Variants in CACNA1C observed in about 807,000 individuals in gnomAD.
CACNA1C encodes the protein voltage-dependent L-type calcium channel subunit alpha-1C.
Under a neutral mutation model 229.0 loss-of-function variants are expected in CACNA1C, and 30 were observed. The ratio of observed to expected loss-of-function variants is 0.13; its 90% CI spans 0.10 to 0.18. The LOEUF (loss-of-function observed/expected upper bound fraction) is 0.18. Among genes scored for constraint, CACNA1C ranks in the 10% least tolerant of loss-of-function variants. CACNA1C has a pLI of 1.00. For synonymous variants in CACNA1C, 1,114 were observed against 1,132.5 expected (o/e 0.98, Z 0.33); for missense variants, 1,658 against 2,845.0 (o/e 0.58, Z 9.49).
intron 29 of CACNA1C, among the ~76,000 whole-genome samples, chr12:2,615,624 GA>G (rs1243150965): frequency 6.6e-6 from 1 of 152,202 alleles, no homozygotes; most frequent in African/African-American, 2.4e-5. Context: ...CGGCCAACAG[GA>G]TGAGGCTGGG....
intron 3 of CACNA1C, among the ~76,000 whole-genome samples, chr12:2,128,814 C>CAA (rs2091232769): frequency 4.6e-5 from 7 of 152,170 alleles, no homozygotes; most frequent in Non-Finnish European, 7.3e-5. Flanking sequence ...AAGTGCCTTG[C>CAA]GTATAAATGC....
intron 3 of CACNA1C, among the ~76,000 whole-genome samples, chr12:2,385,874 G>T (rs898275663): frequency 6.6e-6 from 1 of 152,254 alleles, no homozygotes; most frequent in Non-Finnish European, 1.5e-5. Context: ...GGTGGGGCCA[G>T]TGGTGTCCTA....
chr12:2,433,966 G>T lies in CACNA1C; in HGVS notation c.478-15010G>T, dbSNP rs1470456047. Among the ~76,000 whole-genome samples the T allele has an allele frequency of 2.0e-5, 3 of 152,136 alleles. No homozygotes were observed. In the East Asian group the frequency reaches 5.8e-4, roughly 29 times the overall value. On this transcript the variant is annotated intron_variant, in intron 3 of 46. Coordinates refer to ENST00000399655, the MANE Select transcript of CACNA1C (RefSeq NM_000719.7). ...ATAATAGTGGTGATTTTTAAAAAAAGTTCCCTTTCCAGATTTTTATGTAAG... is the reference window on the plus strand; with the variant it reads ...ATAATAGTGGTGATTTTTAAAAAAATTTCCCTTTCCAGATTTTTATGTAAG...
chr12:2,631,778 C>T (rs901624856), intron 29 of CACNA1C, among the ~76,000 whole-genome samples: 2 of 152,220 alleles, frequency 1.3e-5, no homozygotes, highest in African/African-American at 4.8e-5. Flanking sequence ...GTCCAGTCTC[C>T]GGGGTGGCGT....
At chr12:2,244,778 C>G (rs1435519142) in intron 3 of CACNA1C, among the ~76,000 whole-genome samples, 4 of 152,212 alleles carry the variant, frequency 2.6e-5, no homozygotes, top group Admixed American at 2.6e-4. Context: ...GCTGATAAAG[C>G]ACTTGGGCTG....
At chr12:2,676,634 T>C (rs2096831807) in intron 39 of CACNA1C, 1 of 154,034 alleles carries the variant, frequency 6.5e-6, no homozygotes, top group Non-Finnish European at 1.4e-5. Context: ...AGCCCCTCCC[T>C]CCGAGCTAAG....
At chr12:2,389,198 C>A (rs1486148089) in intron 3 of CACNA1C, among the ~76,000 whole-genome samples, 1 of 152,024 alleles carries the variant, frequency 6.6e-6, no homozygotes, top group African/African-American at 2.4e-5. Context: ...GTCCCCTGTT[C>A]TTGCTGATAG....
intron 3 of CACNA1C, among the ~76,000 whole-genome samples, chr12:2,359,207 G>A (rs1221504932): frequency 6.6e-6 from 1 of 152,172 alleles, no homozygotes; most frequent in East Asian, 1.9e-4. Flanking sequence ...TCCCACATTC[G>A]ATTCTGTTTC....
At chr12:2,690,814 C>T (rs1377679018) in intron 46 of CACNA1C, 86 bp from the exon 47 acceptor site, 3 of 1,323,532 alleles carry the variant, frequency 2.3e-6, no homozygotes, top group Non-Finnish European at 3.1e-6. Context: ...TACCAGATAC[C>T]CCCTCGCTCT....
At chr12:2,014,846 A>G (rs1664992206) in intron 1 of CACNA1C, among the ~76,000 whole-genome samples, 1 of 152,214 alleles carries the variant, frequency 6.6e-6, no homozygotes, top group South Asian at 2.1e-4. Context: ...CATAGGTGTC[A>G]TGCTAAAGCC....
rs1445740890 is a variant in CACNA1C at position 2,454,184 on chromosome 12, G to A, written c.618-3383G>A. Reference sequence around the variant, plus strand: ...CCCTCCTTGTGCCTTGAGGACAAGGGCTCTTGGTTCGCTCTACTTCACTCC... The same window carrying A: ...CCCTCCTTGTGCCTTGAGGACAAGGACTCTTGGTTCGCTCTACTTCACTCC... On this transcript the variant is annotated intron_variant, in intron 4 of 46. Coordinates refer to ENST00000399655, the MANE Select transcript of CACNA1C (RefSeq NM_000719.7). Among the ~76,000 whole-genome samples, 7 of 152,228 alleles carry A rather than the reference G, an allele frequency of 4.6e-5. No homozygotes were observed. The South Asian group carries it at 1.0e-3, about 23-fold the overall frequency.
chr12:2,545,212 A>ATTTT (rs56971243), intron 9 of CACNA1C, among the ~76,000 whole-genome samples: 42 of 131,634 alleles, frequency 3.2e-4, no homozygotes, highest in Non-Finnish European at 4.5e-4. Context: ...CAAAACAATG[A>ATTTT]TTTTTTTTTT....
At position 2,036,727 on chromosome 12, in the gene CACNA1C, G is replaced by T. The variant is rs951478090; in HGVS notation, c.139+65526G>T. Among the ~76,000 whole-genome samples, 19 of 151,922 alleles carry T rather than the reference G, an allele frequency of 1.3e-4. 1 individual carries two copies. Among genetic ancestry groups the T allele is most frequent in the African/African-American group, 4.6e-4 (19 of 41,340 alleles). Reference sequence around the variant, plus strand: ...GATCTGCCCTCTTCGGCCTCCCAAAGTGCTGGGATTACAGGCATGAGCCAC... The same window carrying T: ...GATCTGCCCTCTTCGGCCTCCCAAATTGCTGGGATTACAGGCATGAGCCAC... On this transcript the variant is annotated intron_variant, in intron 1 of 46. Coordinates refer to the CACNA1C transcript ENST00000682462.
At chr12:2,616,886 A>G (rs1373625474) in intron 29 of CACNA1C, among the ~76,000 whole-genome samples, 1 of 152,196 alleles carries the variant, frequency 6.6e-6, no homozygotes, top group African/African-American at 2.4e-5. Context: ...CTTGCCCTGC[A>G]CGCTGGTCTC....
At chr12:2,107,149 G>A (rs2079294287) in intron 1 of CACNA1C, among the ~76,000 whole-genome samples, 1 of 148,064 alleles carries the variant, frequency 6.8e-6, no homozygotes, top group African/African-American at 2.5e-5. Context: ...TTCCACCTCA[G>A]CTGGGGTGTC....
chr12:2,236,288 A>G (rs2067331922), intron 3 of CACNA1C, among the ~76,000 whole-genome samples: 1 of 152,174 alleles, frequency 6.6e-6, no homozygotes, highest in South Asian at 2.1e-4. Flanking sequence ...GCTCCCAGGT[A>G]ATGTCAGTGT....
At chr12:2,011,228 CAG>C (rs2044383954) in intron 1 of CACNA1C, 1 of 151,154 alleles carries the variant, frequency 6.6e-6, no homozygotes, top group Admixed American at 6.6e-5. Context: ...GTTTTATTCT[CAG>C]TGTACCATGG....
intron 3 of CACNA1C, among the ~76,000 whole-genome samples, chr12:2,314,893 T>C (rs1180882626): frequency 6.6e-6 from 1 of 152,148 alleles, no homozygotes; most frequent in Non-Finnish European, 1.5e-5. Flanking sequence ...TTATTGCCAG[T>C]TTTACAAAGT....
chr12:2,354,921 A>C lies in CACNA1C; in HGVS notation c.478-94055A>C, dbSNP rs2097311859. ...GGAAATTTACATTACCCAGGTGTGC[A>C]CTTGGGCAGGCTGAGCGACCTGAGT... On this transcript the variant is annotated intron_variant, in intron 3 of 46. Transcript: ENST00000399655. The surrounding 1 kb of genome is among the most constrained non-coding windows in gnomAD (Gnocchi z 4.6). 6.6e-6 allele frequency among the ~76,000 whole-genome samples: 1 copy of C among 152,026 alleles called. No individual in the cohort carries two copies. The highest frequency in any genetic ancestry group is 1.5e-5 in the Non-Finnish European group (1 of 68,002).
Sources: allele counts gnomAD v4.1 joint callset (sites outside exome capture counted in the v4.1 genomes callset), GRCh38; gene constraint gnomAD v4.1.1; non-coding constraint Gnocchi (gnomAD v3.1); transcripts MANE v1.5; gene names NCBI Gene and HGNC (gene_info 2026-07-23, HGNC 2026-07-21).